The following DPP6 variants were observed in gnomAD, a reference collection of about 807,000 sequenced individuals.
DPP6 encodes the protein A-type potassium channel modulatory protein DPP6.
DPP6 carries 69 observed loss-of-function variants against 122.6 expected under a neutral mutation model. That is an observed-to-expected ratio of 0.56 (90% CI 0.46 to 0.69). DPP6 has a LOEUF of 0.69. Ranked by LOEUF, DPP6 falls within the 30% of genes least tolerant of loss-of-function variation. The pLI is 0.00. For missense variants in DPP6, 928 were observed against 1,116.9 expected (o/e 0.83, Z 2.41); for synonymous variants, 418 against 433.1 (o/e 0.97, Z 0.43).
At chr7:154,399,455 A>G (rs1373828638) in intron 1 of DPP6, among the ~76,000 whole-genome samples, 1 of 152,228 alleles carries the variant, frequency 6.6e-6, no homozygotes, top group East Asian at 1.9e-4. Flanking sequence ...AATCTTACCT[A>G]CACGGTTAAC....
intron 16 of DPP6, among the ~76,000 whole-genome samples, chr7:154,824,868 C>T (rs995863864): frequency 1.1e-4 from 16 of 152,288 alleles, no homozygotes; most frequent in East Asian, 3.9e-4. Context: ...TGTCATATAA[C>T]GGAGGCCACT....
At chr7:153,833,502 CG>C in the DPP6 span, among the ~76,000 whole-genome samples, 2 of 152,006 alleles carry the variant, frequency 1.3e-5, no homozygotes, top group African/African-American at 2.4e-5. Flanking sequence ...GGCAAAACCC[CG>C]TCTCTACTAA....
intron 1 of DPP6, among the ~76,000 whole-genome samples, chr7:154,011,502 A>T (rs561257360): frequency 6.6e-6 from 1 of 152,360 alleles, no homozygotes; most frequent in Non-Finnish European, 1.5e-5. Context: ...GTGGGCTGTC[A>T]GATCTAAGAA....
At chr7:154,628,233 G>GT (rs1379548456) in intron 5 of DPP6, among the ~76,000 whole-genome samples, 21 of 152,192 alleles carry the variant, frequency 1.4e-4, no homozygotes, top group African/African-American at 4.8e-5. Context: ...CCAAAAGACA[G>GT]TTTCATGGTT....
chr7:153,916,286 A>G (rs1800312644), intron 1 of DPP6, among the ~76,000 whole-genome samples: 1 of 148,638 alleles, frequency 6.7e-6, no homozygotes, highest in African/African-American at 2.5e-5. Flanking sequence ...TGATTTTTAA[A>G]TAACATGTTC....
intron 1 of DPP6, among the ~76,000 whole-genome samples, chr7:154,147,699 A>ACACACACAC (rs1243502441): frequency 5.7e-5 from 8 of 141,048 alleles, no homozygotes; most frequent in African/African-American, 2.2e-4. Context: ...TACACACACA[A>ACACACACAC]ACACATACCT....
Position 154,404,910 on chromosome 7 carries a change from T to C in DPP6, c.244-41304T>C, listed in dbSNP as rs578013641. Among the ~76,000 whole-genome samples the C allele has an allele frequency of 2.0e-5, 3 of 152,320 alleles. No homozygotes were observed. The East Asian group carries it at 5.8e-4, about 29-fold the overall frequency. On this transcript the variant is annotated intron_variant, in intron 1 of 25. Coordinates refer to ENST00000377770, the MANE Select transcript of DPP6 (RefSeq NM_130797.4). Reference sequence around the variant, plus strand: ...TGCACCAGTATGTTTATGATAGCAATTTTTTAGGTTGTAAAAATAGAAAAA... The same window carrying C: ...TGCACCAGTATGTTTATGATAGCAACTTTTTAGGTTGTAAAAATAGAAAAA...
rs138563408 is a variant in DPP6, at chr7:154,405,489, C to T, written c.244-40725C>T. ...GAGCTGCTTTCCCCCCCTTGTTTGT[C>T]GTCTCTTAAAAAAAGCATTTTCTAA... On this transcript the variant is annotated intron_variant, in intron 1 of 25. Transcript: ENST00000377770. 1.1e-4 allele frequency among the ~76,000 whole-genome samples: 16 copies of T among 152,100 alleles called. No individual in the cohort carries two copies. In the East Asian group the frequency reaches 1.7e-3, roughly 17 times the overall value.
chr7:154,392,334 G>C (rs1309947484), intron 1 of DPP6, among the ~76,000 whole-genome samples: 3 of 152,198 alleles, frequency 2.0e-5, no homozygotes, highest in Non-Finnish European at 4.4e-5. Flanking sequence ...ATGGGTGGGT[G>C]TAAGTGATTT....
At chr7:154,587,326 T>A (rs1832520114) in intron 5 of DPP6, 1 of 379,274 alleles carries the variant, frequency 2.6e-6, no homozygotes. Flanking sequence ...GCCTGGAGAC[T>A]TAGAACCTTA....
rs557908894 is a variant in DPP6, at chr7:154,841,489, T to C, written c.1667-12291T>C. Among the ~76,000 whole-genome samples the C allele has an allele frequency of 5.3e-5, 8 of 152,324 alleles. No individual in the cohort carries two copies. The South Asian group carries it at 8.3e-4, about 16-fold the overall frequency. ...TCCAAGGGGCATAAAACTGATGCTG[T>C]GAGTTCAATGCAGATAATTCCTAAC... On this transcript the variant is annotated intron_variant, in intron 16 of 25. Coordinates refer to ENST00000377770, the MANE Select transcript of DPP6 (RefSeq NM_130797.4).
At chr7:154,752,304 T>C (rs1843435690) in intron 8 of DPP6, among the ~76,000 whole-genome samples, 1 of 152,198 alleles carries the variant, frequency 6.6e-6, no homozygotes, top group African/African-American at 2.4e-5. Flanking sequence ...CTTTCTGTTG[T>C]TGGAGGAGTT....
chr7:154,591,054 C>T (rs1832784123), intron 5 of DPP6, among the ~76,000 whole-genome samples: 1 of 152,132 alleles, frequency 6.6e-6, no homozygotes, highest in Non-Finnish European at 1.5e-5. Flanking sequence ...CAAAATCAAC[C>T]TGTGATGAGT....
At chr7:154,575,448 G>GTGTGTGTGTGGTATGTGTA (rs1831560874) in intron 5 of DPP6, among the ~76,000 whole-genome samples, 1 of 119,718 alleles carries the variant, frequency 8.4e-6, no homozygotes. Context: ...TGTGGTGTGT[G>GTGTGTGTGTGGTATGTGTA]TATGTGTGTG....
At chr7:154,691,904 G>T (rs527920606) in intron 7 of DPP6, among the ~76,000 whole-genome samples, 1 of 152,198 alleles carries the variant, frequency 6.6e-6, no homozygotes, top group African/African-American at 2.4e-5. Context: ...CACAAAGGTG[G>T]TTAGTGTTTA....
At chr7:153,983,508 A>G (rs1295173955) in intron 1 of DPP6, among the ~76,000 whole-genome samples, 1 of 152,222 alleles carries the variant, frequency 6.6e-6, no homozygotes. Context: ...TCCGCTGAGC[A>G]AGACCACTTG....
At chr7:154,124,070 A>C (rs1382387036) in intron 1 of DPP6, among the ~76,000 whole-genome samples, 1 of 148,880 alleles carries the variant, frequency 6.7e-6, no homozygotes, top group African/African-American at 2.5e-5. Flanking sequence ...TGTGCCACCC[A>C]CTCACTATGA....
chr7:154,689,495 C>CT (rs1839817502), intron 7 of DPP6, among the ~76,000 whole-genome samples: 1 of 151,992 alleles, frequency 6.6e-6, no homozygotes, highest in African/African-American at 2.4e-5. Flanking sequence ...GAAAACCAGC[C>CT]TTATGTGACT....
chr7:153,771,849 C>T, the DPP6 span, among the ~76,000 whole-genome samples: 2 of 151,264 alleles, frequency 1.3e-5, no homozygotes, highest in Non-Finnish European at 2.9e-5. Context: ...GAATATGGTA[C>T]CAGAAAGAAA....
Sources: allele counts gnomAD v4.1 joint callset (sites outside exome capture counted in the v4.1 genomes callset), GRCh38; gene constraint gnomAD v4.1.1; transcripts MANE v1.5; gene names NCBI Gene and HGNC (gene_info 2026-07-23, HGNC 2026-07-21).